The following NRG1 variants were observed in gnomAD, a reference collection of about 807,000 sequenced individuals.
The protein encoded by NRG1 is neuregulin 1.
A neutral mutation model predicts 63.8 loss-of-function variants in NRG1; 18 were observed. The observed-to-expected ratio is 0.28, with a 90% CI of 0.19 to 0.42. The LOEUF (loss-of-function observed/expected upper bound fraction) is 0.42. Among genes scored for constraint, NRG1 ranks in the 10% least tolerant of loss-of-function variants. NRG1 has a pLI of 1.00. For synonymous variants in NRG1, 302 were observed against 301.3 expected (o/e 1.00, Z -0.02); for missense variants, 762 against 814.7 (o/e 0.94, Z 0.79).
At chr8:31,760,878 G>A (rs980607825) in intron 1 of NRG1, among the ~76,000 whole-genome samples, 2 of 152,128 alleles carry the variant, frequency 1.3e-5, no homozygotes, top group Non-Finnish European at 2.9e-5. Flanking sequence ...TTCAACCATT[G>A]TGGAAGTCAC....
intron 1 of NRG1, among the ~76,000 whole-genome samples, chr8:32,226,101 G>A (rs560838567): frequency 1.2e-4 from 18 of 152,192 alleles, no homozygotes; most frequent in African/African-American, 2.6e-4. Context: ...TACTGTTTCC[G>A]GTAGAGAATC....
At chr8:32,436,472 G>A (rs1818801661) in intron 1 of NRG1, among the ~76,000 whole-genome samples, 1 of 152,132 alleles carries the variant, frequency 6.6e-6, no homozygotes, top group Non-Finnish European at 1.5e-5. Flanking sequence ...AGCTTAAGTT[G>A]GCTTTATAGT....
intron 1 of NRG1, among the ~76,000 whole-genome samples, chr8:32,304,393 T>C (rs755988952): frequency 3.9e-5 from 6 of 152,354 alleles, no homozygotes; most frequent in East Asian, 3.9e-4. Context: ...AATATGTAAT[T>C]TGAAAACTCC....
intron 1 of NRG1, among the ~76,000 whole-genome samples, chr8:31,700,650 G>C (rs2131186428): frequency 6.6e-6 from 1 of 152,302 alleles, no homozygotes; most frequent in South Asian, 2.1e-4. Flanking sequence ...ACTGGCATTA[G>C]AACCTCGATT....
At chr8:32,736,334 G>A (rs1213806635) in intron 6 of NRG1, among the ~76,000 whole-genome samples, 1 of 152,196 alleles carries the variant, frequency 6.6e-6, no homozygotes, top group Non-Finnish European at 1.5e-5. Flanking sequence ...GCCAGTGAGT[G>A]GGCGAGTTCT....
At chr8:31,760,713 A>G (rs1409417989) in intron 1 of NRG1, among the ~76,000 whole-genome samples, 2 of 152,216 alleles carry the variant, frequency 1.3e-5, no homozygotes, top group Admixed American at 6.5e-5. Flanking sequence ...GCTCATCATC[A>G]CTGGCCATCA....
At chr8:31,929,338 A>G (rs970072875) in intron 1 of NRG1, among the ~76,000 whole-genome samples, 2 of 152,156 alleles carry the variant, frequency 1.3e-5, no homozygotes, top group Non-Finnish European at 2.9e-5. Flanking sequence ...AAACTTTTAC[A>G]AATTTCATCT....
chr8:31,999,766 T>C (rs975007779), intron 1 of NRG1, among the ~76,000 whole-genome samples: 3 of 151,904 alleles, frequency 2.0e-5, no homozygotes, highest in Non-Finnish European at 2.9e-5. Flanking sequence ...GAAACAGATA[T>C]GTAAAAACTG....
chr8:31,783,699 G>A (rs1007612948), intron 1 of NRG1, among the ~76,000 whole-genome samples: 12 of 151,998 alleles, frequency 7.9e-5, no homozygotes, highest in African/African-American at 2.4e-4. Flanking sequence ...TCTCAGCCAA[G>A]GAGTGTGGGC....
intron 7 of NRG1, chr8:32,749,828 T>A (rs1828322159): frequency 1.8e-6 from 1 of 553,088 alleles, no homozygotes. Flanking sequence ...GTACCCTACC[T>A]GCTGCAAATT....
intron 1 of NRG1, among the ~76,000 whole-genome samples, chr8:32,323,102 TA>T (rs900903465): frequency 2.0e-5 from 3 of 152,014 alleles, no homozygotes; most frequent in Non-Finnish European, 4.4e-5. Context: ...CACAAAGCTT[TA>T]AAAAAAGCCA....
In NRG1 at chr8:32,285,110, G is replaced by A. The variant is rs554894523; in HGVS notation, c.38-310718G>A. ...ACTGCTTGATCTTTCCTCACTCTCCGTGTACCTAAATCTTGTTCAGGCTCT... is the reference window on the plus strand; with the variant it reads ...ACTGCTTGATCTTTCCTCACTCTCCATGTACCTAAATCTTGTTCAGGCTCT... On this transcript the variant is annotated intron_variant, in intron 1 of 10. Coordinates refer to the NRG1 transcript ENST00000519301. Among the ~76,000 whole-genome samples, 96 of 152,240 alleles carry A rather than the reference G, an allele frequency of 6.3e-4. No homozygotes were observed. The South Asian group carries it at 0.019, about 31-fold the overall frequency.
At chr8:31,761,844 T>A (rs528994729) in intron 1 of NRG1, among the ~76,000 whole-genome samples, 1 of 152,208 alleles carries the variant, frequency 6.6e-6, no homozygotes, top group Non-Finnish European at 1.5e-5. Context: ...GGAAAAATGA[T>A]GCTGATAGAC....
chr8:32,723,749 C>T (rs1341133055), intron 5 of NRG1, among the ~76,000 whole-genome samples: 7 of 77,192 alleles, frequency 9.1e-5, no homozygotes, highest in Middle Eastern at 0.011. Context: ...GAAGGAAGGA[C>T]GGAAATAAGG....
chr8:32,758,117 G>C (rs1440019554), intron 9 of NRG1, among the ~76,000 whole-genome samples: 1 of 152,182 alleles, frequency 6.6e-6, no homozygotes, highest in African/African-American at 2.4e-5. Flanking sequence ...CAGACCGTCA[G>C]ATTATAAAGT....
At chr8:31,938,837 G>A (rs961784914) in intron 1 of NRG1, among the ~76,000 whole-genome samples, 9 of 152,220 alleles carry the variant, frequency 5.9e-5, no homozygotes, top group East Asian at 1.9e-4. Context: ...CAAGGCATTT[G>A]AATTAACTCA....
At chr8:32,316,171 A>G (rs746748031) in intron 1 of NRG1, among the ~76,000 whole-genome samples, 3 of 152,182 alleles carry the variant, frequency 2.0e-5, no homozygotes, top group Non-Finnish European at 4.4e-5. Flanking sequence ...AGGAATCTAC[A>G]CTTAGGGCTT....
intron 1 of NRG1, among the ~76,000 whole-genome samples, chr8:32,433,654 G>C (rs1280048798): frequency 6.6e-6 from 1 of 151,948 alleles, no homozygotes; most frequent in African/African-American, 2.4e-5. Context: ...TCTTGTAAAG[G>C]GTATTGTTTC....
intron 1 of NRG1, among the ~76,000 whole-genome samples, chr8:31,736,178 T>C (rs1814644558): frequency 6.6e-6 from 1 of 152,184 alleles, no homozygotes; most frequent in Non-Finnish European, 1.5e-5. Context: ...CAGGTCACTC[T>C]GCTTCAGACA....
Sources: gnomAD v4.1 joint callset for allele counts (sites outside exome capture counted in the v4.1 genomes callset) on GRCh38, gnomAD v4.1.1 for gene constraint, MANE v1.5 for transcripts, NCBI Gene and HGNC (gene_info 2026-07-23, HGNC 2026-07-21) for gene names.